The following WWOX variants were observed in gnomAD, a reference collection of about 807,000 sequenced individuals.
WWOX encodes WW domain containing oxidoreductase, also known as WW domain-containing oxidoreductase.
Under a neutral mutation model 46.2 loss-of-function variants are expected in WWOX, and 69 were observed. That is an observed-to-expected ratio of 1.49 (90% CI 1.23 to 1.82). The LOEUF is 1.82. WWOX is among the 40% of genes most tolerant of loss of function. The probability of loss-of-function intolerance (pLI) is 0.00; values close to 1 mark genes in which losing one functional copy is unlikely to be tolerated. For synonymous variants in WWOX, 359 were observed against 202.6 expected (o/e 1.77, Z -6.56); for missense variants, 919 against 542.6 (o/e 1.69, Z -6.89).
chr16:78,439,417 C>T (rs914434700), intron 8 of WWOX, among the ~76,000 whole-genome samples: 10 of 152,168 alleles, frequency 6.6e-5, no homozygotes, highest in Middle Eastern at 3.2e-3. Context: ...CTGAGGCCAC[C>T]TTCTTGCAGG....
At chr16:78,995,726 G>C (rs150337115) in intron 8 of WWOX, among the ~76,000 whole-genome samples, 115 of 152,288 alleles carry the variant, frequency 7.6e-4, no homozygotes, top group African/African-American at 2.6e-3. Flanking sequence ...TGACATTCTA[G>C]TCTTCAATAA....
At chr16:79,131,470 A>G (rs1305588178) in intron 8 of WWOX, among the ~76,000 whole-genome samples, 8 of 152,138 alleles carry the variant, frequency 5.3e-5, no homozygotes, top group Non-Finnish European at 7.3e-5. Flanking sequence ...CTCTTATGCA[A>G]TTTATGAAAT....
At chr16:78,522,075 A>G (rs1217836984) in intron 8 of WWOX, among the ~76,000 whole-genome samples, 5 of 151,834 alleles carry the variant, frequency 3.3e-5, no homozygotes, top group African/African-American at 1.2e-4. Context: ...ACGTCTGTCT[A>G]CATCCACAGC....
In WWOX at chr16:79,163,816, A is replaced by AAAG. The variant is rs1294854077; in HGVS notation, c.1057-47791_1057-47790insAGA. On this transcript the variant is annotated intron_variant, in intron 8 of 8. Transcript: ENST00000566780. ...ACCTCAAAAAAAAAAAAAAAAAAAA[A>AAAG]AGAGAGAGAGAATAAGGTCAGAGGG... 3.6e-3 allele frequency among the ~76,000 whole-genome samples: 449 copies of AAAG among 124,408 alleles called. 6 individuals are homozygous for AAAG. Among genetic ancestry groups the AAAG allele is most frequent in the African/African-American group, 0.015 (419 of 27,376 alleles). 81.6% of individuals were successfully genotyped at this position (124,408 alleles called of 152,430 possible). A position where few individuals can be genotyped will look rare whatever the true frequency, so the allele number is the denominator to read the frequency against.
intron 5 of WWOX, chr16:78,355,583 G>C: frequency 2.0e-6 from 1 of 492,652 alleles, no homozygotes; most frequent in Admixed American, 2.4e-5. Flanking sequence ...GGATCCCCTG[G>C]ATCTTAGGCT....
intron 8 of WWOX, among the ~76,000 whole-genome samples, chr16:78,588,832 G>C (rs2045283371): frequency 6.6e-6 from 1 of 152,142 alleles, no homozygotes; most frequent in Non-Finnish European, 1.5e-5. Flanking sequence ...GAGAGGTGCA[G>C]GTTTACCCAG....
chr16:78,949,068 GA>G (rs1281052325), intron 8 of WWOX, among the ~76,000 whole-genome samples: 1 of 152,110 alleles, frequency 6.6e-6, no homozygotes, highest in Non-Finnish European at 1.5e-5. Flanking sequence ...AGGAAATAGG[GA>G]CCTTCCACCT....
chr16:78,541,217 G>A (rs1203114568), intron 8 of WWOX, among the ~76,000 whole-genome samples: 3 of 151,904 alleles, frequency 2.0e-5, no homozygotes, highest in Admixed American at 6.6e-5. Flanking sequence ...GCTCACGCCT[G>A]TAATCCCAGC....
chr16:78,979,876 C>T (rs1260640452), intron 8 of WWOX, among the ~76,000 whole-genome samples: 1 of 152,112 alleles, frequency 6.6e-6, no homozygotes, highest in South Asian at 2.1e-4. Flanking sequence ...CGTCTATAAT[C>T]CCATTACTTT....
intron 8 of WWOX, among the ~76,000 whole-genome samples, chr16:79,147,224 G>A (rs926776667): frequency 2.6e-5 from 4 of 152,158 alleles, no homozygotes; most frequent in African/African-American, 9.7e-5. Context: ...CCCTTGCGTT[G>A]CCTTGCAAAC....
At chr16:78,209,521 C>T (rs915373538) in intron 5 of WWOX, among the ~76,000 whole-genome samples, 2 of 152,182 alleles carry the variant, frequency 1.3e-5, no homozygotes, top group Non-Finnish European at 2.9e-5. Context: ...TGACTCATAG[C>T]AAGCTCATGC....
chr16:78,700,375 G>A (rs887414704), intron 8 of WWOX, among the ~76,000 whole-genome samples: 5 of 150,496 alleles, frequency 3.3e-5, no homozygotes, highest in Non-Finnish European at 7.4e-5. Flanking sequence ...TCTCTCTTGT[G>A]TGTCTTTCAT....
At chr16:78,669,353 CCAACTTCTT>C (rs1253451722) in intron 8 of WWOX, among the ~76,000 whole-genome samples, 48 of 152,174 alleles carry the variant, frequency 3.2e-4, no homozygotes, top group Admixed American at 3.1e-3. Context: ...AGTTTTAACT[CCAACTTCTT>C]CAACTAGAAT....
chr16:78,694,167 C>T (rs149285657), intron 8 of WWOX, among the ~76,000 whole-genome samples: 1,764 of 152,158 alleles, frequency 0.012, 32 homozygotes, highest in African/African-American at 0.041. Context: ...GAGCTGAGAT[C>T]GCACTACTTC....
intron 5 of WWOX, among the ~76,000 whole-genome samples, chr16:78,373,055 A>G (rs948485572): frequency 6.6e-6 from 1 of 152,116 alleles, no homozygotes; most frequent in Non-Finnish European, 1.5e-5. Flanking sequence ...CAACTCTGTA[A>G]TGTCCTAACT....
intron 8 of WWOX, among the ~76,000 whole-genome samples, chr16:78,666,504 A>G (rs1466799217): frequency 6.6e-6 from 1 of 152,192 alleles, no homozygotes; most frequent in Admixed American, 6.5e-5. Context: ...AAATTGTTTT[A>G]AAGATCTGCC....
chr16:78,151,757 G>C (rs924952237), intron 4 of WWOX, among the ~76,000 whole-genome samples: 1 of 152,154 alleles, frequency 6.6e-6, no homozygotes, highest in Non-Finnish European at 1.5e-5. Flanking sequence ...TGGAAGTAGC[G>C]TCGACATTAT....
intron 8 of WWOX, among the ~76,000 whole-genome samples, chr16:78,592,593 T>C (rs1001253002): frequency 9.9e-5 from 15 of 152,132 alleles, no homozygotes; most frequent in Non-Finnish European, 1.0e-4. Flanking sequence ...GTTGCTTCTT[T>C]TTATTTCTTA....
intron 8 of WWOX, among the ~76,000 whole-genome samples, chr16:79,075,939 C>G (rs942196668): frequency 1.3e-5 from 2 of 152,164 alleles, no homozygotes; most frequent in Non-Finnish European, 2.9e-5. Context: ...TTAACATCTG[C>G]TCTAACGTTG....
Sources: gnomAD v4.1 joint callset for allele counts (sites outside exome capture counted in the v4.1 genomes callset) on GRCh38, gnomAD v4.1.1 for gene constraint, MANE v1.5 for transcripts, NCBI Gene and HGNC (gene_info 2026-07-23, HGNC 2026-07-21) for gene names.